Variants in EPDR1 observed in about 807,000 individuals in gnomAD.
EPDR1 encodes the protein ependymin related 1.
In EPDR1, 27 loss-of-function variants were observed where a neutral mutation model predicts 23.7. The observed-to-expected ratio is 1.14, with a 90% CI of 0.84 to 1.57. EPDR1 has a LOEUF of 1.57. Among genes scored for constraint, EPDR1 ranks in the 40% most tolerant of loss-of-function variants. The pLI, the probability that EPDR1 is intolerant of heterozygous loss-of-function variation, is 0.00. For missense variants in EPDR1, 349 were observed against 290.4 expected (o/e 1.20, Z -1.47); for synonymous variants, 137 against 118.2 (o/e 1.16, Z -1.03).
At chr7:37,933,335 T>C (rs1785980947) in intron 1 of EPDR1, among the ~76,000 whole-genome samples, 1 of 152,214 alleles carries the variant, frequency 6.6e-6, no homozygotes, top group Non-Finnish European at 1.5e-5. Context: ...TACTCCCTTT[T>C]CTGTAATTTA....
rs1431755827 is a variant in EPDR1, at chr7:37,920,893, C to A, written c.-47C>A. The A allele has an allele frequency of 8.1e-6, 13 of 1,611,564 alleles. No homozygotes were observed. The highest frequency in any genetic ancestry group is 1.1e-5 in the Non-Finnish European group (13 of 1,179,250). The stretch of plus-strand genomic sequence containing the variant: ...CACTCTGATCCCGGACGCCTCAGCG[C>A]CCCCTTGGGCTTGGGCTTGCCCTCG... On this transcript the variant is annotated 5_prime_UTR_variant, in exon 1 of 3. Transcript: ENST00000199448.
intron 1 of EPDR1, among the ~76,000 whole-genome samples, chr7:37,927,501 C>A (rs1785842604): frequency 6.6e-6 from 1 of 152,230 alleles, no homozygotes; most frequent in African/African-American, 2.4e-5. Flanking sequence ...GGGCTCTGCG[C>A]TCCAGGCCAG....
intron 1 of EPDR1, among the ~76,000 whole-genome samples, chr7:37,935,244 T>C (rs1022744247): frequency 5.3e-5 from 8 of 152,158 alleles, no homozygotes; most frequent in Admixed American, 3.3e-4. Flanking sequence ...GGGGTACAAA[T>C]GCCTGCTGGG....
Position 37,940,793 on chromosome 7 carries a change from C to T in EPDR1, c.270-8047C>T, listed in dbSNP as rs144454056. 3.3e-3 allele frequency among the ~76,000 whole-genome samples: 443 copies of T among 134,738 alleles called. 2 individuals carry two copies. Among genetic ancestry groups the T allele is most frequent in the African/African-American group, 0.011 (420 of 37,128 alleles). The allele number at this position is 134,738 out of a possible 152,430, so 88.4% of individuals were successfully genotyped here. ...TAAATGGAAAATATCTATATGAATTCGAGTTTTTTTTTTCTAATTGGAAGC... is the reference window on the plus strand; with the variant it reads ...TAAATGGAAAATATCTATATGAATTTGAGTTTTTTTTTTCTAATTGGAAGC... On this transcript the variant is annotated intron_variant, in intron 1 of 2. Transcript: ENST00000199448.
At chr7:37,938,850 C>A (rs1445574030) in intron 1 of EPDR1, among the ~76,000 whole-genome samples, 1 of 152,192 alleles carries the variant, frequency 6.6e-6, no homozygotes, top group Non-Finnish European at 1.5e-5. Context: ...GTCTGCTCAA[C>A]TGAAATTTTT....
In EPDR1 at chr7:37,950,662, G is replaced by A; in HGVS notation, c.*266G>A. The A allele has an allele frequency of 2.3e-6, 1 of 433,176 alleles. No individual in the cohort carries two copies. The highest frequency in any genetic ancestry group is 4.1e-6 in the Non-Finnish European group (1 of 241,464). 26.8% of individuals were successfully genotyped at this position (433,176 alleles called of 1,614,324 possible). On this transcript the variant is annotated 3_prime_UTR_variant, in exon 3 of 3. Coordinates refer to ENST00000199448, the MANE Select transcript of EPDR1 (RefSeq NM_017549.5). ...TGGGTATTTCTAATGCCTGTTCAGG[G>A]CTGGTTTTCTGCATGCACGGGTATA...
At chr7:37,929,284 C>T (rs1785882528) in intron 1 of EPDR1, among the ~76,000 whole-genome samples, 1 of 152,190 alleles carries the variant, frequency 6.6e-6, no homozygotes, top group African/African-American at 2.4e-5. Flanking sequence ...CACCTTCCCT[C>T]ATGCACAATA....
chr7:37,940,420 T>G (rs540898019), intron 1 of EPDR1, among the ~76,000 whole-genome samples: 1 of 152,232 alleles, frequency 6.6e-6, no homozygotes, highest in Non-Finnish European at 1.5e-5. Context: ...AGGAAAAGTG[T>G]AAAGTCCCTG....
intron 1 of EPDR1, among the ~76,000 whole-genome samples, chr7:37,946,660 C>T (rs1217338859): frequency 2.6e-5 from 4 of 152,202 alleles, no homozygotes; most frequent in African/African-American, 7.2e-5. Context: ...GAGGTGACAG[C>T]TCCATGCATG....
At chr7:37,937,752 A>G (rs996498219) in intron 1 of EPDR1, among the ~76,000 whole-genome samples, 2 of 152,188 alleles carry the variant, frequency 1.3e-5, no homozygotes, top group Non-Finnish European at 2.9e-5. Context: ...CCTTAAATCT[A>G]TGCAATCTAT....
chr7:37,925,162 T>C (rs1785789538), intron 1 of EPDR1, among the ~76,000 whole-genome samples: 1 of 152,254 alleles, frequency 6.6e-6, no homozygotes, highest in African/African-American at 2.4e-5. Context: ...AAGTATTTAT[T>C]TGAAAGACTG....
At chr7:37,949,144 G>A (rs929530682) in intron 2 of EPDR1, 96 bp downstream of exon 2, 27 of 1,251,718 alleles carry the variant, frequency 2.2e-5, no homozygotes, top group East Asian at 1.7e-4. Flanking sequence ...GGAAACATCC[G>A]CTTAATCAAA....
At chr7:37,945,523 C>T (rs1562863676) in intron 1 of EPDR1, among the ~76,000 whole-genome samples, 1 of 152,120 alleles carries the variant, frequency 6.6e-6, no homozygotes, top group Non-Finnish European at 1.5e-5. Context: ...AATGACGTTT[C>T]AGTCAATGAA....
chr7:37,926,842 A>G (rs957995004), intron 1 of EPDR1: 10 of 358,992 alleles, frequency 2.8e-5, no homozygotes, highest in Admixed American at 2.1e-4. Flanking sequence ...AAAACCATGT[A>G]CATATCCCAT....
intron 1 of EPDR1, among the ~76,000 whole-genome samples, chr7:37,942,835 C>T (rs1361106928): frequency 6.6e-6 from 1 of 152,102 alleles, no homozygotes; most frequent in African/African-American, 2.4e-5. Flanking sequence ...TTCGGTGTTT[C>T]AGAAAACATG....
chr7:37,934,830 A>G (rs1195099583), intron 1 of EPDR1, among the ~76,000 whole-genome samples: 2 of 152,176 alleles, frequency 1.3e-5, no homozygotes, highest in Admixed American at 6.5e-5. Context: ...CTGTGGTCCC[A>G]GCTGCTTGGG....
At chr7:37,925,998 G>A (rs1032989643) in intron 1 of EPDR1, among the ~76,000 whole-genome samples, 2 of 152,096 alleles carry the variant, frequency 1.3e-5, no homozygotes, top group Admixed American at 1.3e-4. Flanking sequence ...AGGCTACCTT[G>A]AAATGCCTCG....
At position 37,920,977 on chromosome 7, in the gene EPDR1, C is replaced by T. The variant is rs1785682019; in HGVS notation, c.38C>T (p.Ala13Val). Residue 13 changes from alanine to valine, a missense_variant, in exon 1 of 3, where the codon GCC becomes GTC. Physicochemically the swap from Ala to Val is moderately conservative, Grantham distance 64. Transcript: ENST00000199448. ...GRAPLRTVPG[A>V]LGAWLLGGLW... ...GCTCCCCTCCGCACCGTCCCGGGCG[C>T]CCTGGGTGCCTGGCTGCTGGGCGGC... The T allele has an allele frequency of 6.4e-7, 1 of 1,558,358 alleles. No homozygotes were observed. Among genetic ancestry groups the T allele is most frequent in the Non-Finnish European group, 8.7e-7 (1 of 1,155,206 alleles).
chr7:37,927,968 T>C (rs1785851835), intron 1 of EPDR1, among the ~76,000 whole-genome samples: 2 of 152,194 alleles, frequency 1.3e-5, no homozygotes, highest in Admixed American at 1.3e-4. Context: ...GAAACAGATT[T>C]TCTTGGAAGC....
Sources: allele counts gnomAD v4.1 joint callset (sites outside exome capture counted in the v4.1 genomes callset), GRCh38; gene constraint gnomAD v4.1.1; transcripts MANE v1.5; gene names NCBI Gene and HGNC (gene_info 2026-07-23, HGNC 2026-07-21).